Variants in CDC42EP5 observed in about 807,000 individuals in gnomAD.
The protein encoded by CDC42EP5 is CDC42 effector protein 5.
For synonymous variants in CDC42EP5, 118 were observed against 123.3 expected, an observed-to-expected ratio of 0.96 and a Z score of 0.28; for missense variants, 269 against 238.0, an observed-to-expected ratio of 1.13 and a Z score of -0.86.
intron 2 of CDC42EP5, among the ~76,000 whole-genome samples, chr19:54,467,299 C>CA (rs997827014): frequency 6.0e-4 from 85 of 140,674 alleles, no homozygotes; most frequent in African/African-American, 2.1e-3. Flanking sequence ...AAAAAAAATA[C>CA]AAAATTAGCT....
chr19:54,468,922 T>TCCTTCCTTCCTTCCTTCCTTCCTTCCTTC (rs1491162621), intron 2 of CDC42EP5, among the ~76,000 whole-genome samples: 16 of 148,490 alleles, frequency 1.1e-4, no homozygotes, highest in African/African-American at 4.0e-4. Context: ...CTTCCTTCCT[T>TCCTTCCTTCCTTCCTTCCTTCCTTCCTTC]CTTTCTTTCT....
chr19:54,471,276 TGGC>T (rs2084832511), intron 2 of CDC42EP5, among the ~76,000 whole-genome samples: 4 of 151,932 alleles, frequency 2.6e-5, no homozygotes, highest in Admixed American at 2.6e-4. Context: ...AGCTGCAGGG[TGGC>T]GGGCACAGCT....
At chr19:54,471,356 G>C (rs1204248363) in intron 2 of CDC42EP5, 189 bp downstream of exon 2, 2 of 152,040 alleles carry the variant, frequency 1.3e-5, no homozygotes, top group African/African-American at 4.8e-5. Context: ...CTCTAGATCC[G>C]GCCCAACTGG....
chr19:54,465,486 A>C lies in CDC42EP5; in HGVS notation c.62T>G (p.Leu21Arg). ...GTCGCCGAGCGGCGCGGAGATGGACAGGGCGCCGCGATCAGGCCGCTTCTT... is the reference window on the plus strand; with the variant it reads ...GTCGCCGAGCGGCGCGGAGATGGACCGGGCGCCGCGATCAGGCCGCTTCTT... ...QPKKRPDRGA[L>R]SISAPLGDFR... The change falls in exon 3 of 3, where the codon CTG (leucine) becomes CGG (arginine). Residue 21 changes from leucine (L) to arginine (R), a missense_variant. By Grantham distance (102) the Leu-to-Arg change is moderately radical. Transcript: ENST00000301200. 1.3e-6 allele frequency: 2 copies of C among 1,533,696 alleles called. No individual in the cohort carries two copies. Among genetic ancestry groups the C allele is most frequent in the Non-Finnish European group, 1.7e-6 (2 of 1,152,862 alleles).
At chr19:54,467,573 T>TC (rs2084772903) in intron 2 of CDC42EP5, among the ~76,000 whole-genome samples, 1 of 151,014 alleles carries the variant, frequency 6.6e-6, no homozygotes, top group Admixed American at 6.6e-5. Flanking sequence ...AAATTCTTTT[T>TC]TTTTTTTTTT....
intron 2 of CDC42EP5, among the ~76,000 whole-genome samples, chr19:54,467,568 CTTT>C (rs550861744): frequency 1.5e-5 from 2 of 137,906 alleles, no homozygotes; most frequent in African/African-American, 2.7e-5. Flanking sequence ...GCACCAAATT[CTTT>C]TTTTTTTTTT....
At chr19:54,471,124 A>T (rs2084829547) in intron 2 of CDC42EP5, among the ~76,000 whole-genome samples, 1 of 152,174 alleles carries the variant, frequency 6.6e-6, no homozygotes, top group South Asian at 2.1e-4. Context: ...AGGGCTCGGG[A>T]CAGAGGGGCT....
In CDC42EP5 at chr19:54,471,564, G is replaced by A. The variant is rs1400923975; in HGVS notation, c.-20C>T. ...CCTTACCTCGCGGTCCTCCCAGAGC[G>A]GGGCGGGCGCGCGCTCACGACTCCA... On this transcript the variant is annotated 5_prime_UTR_variant, in exon 2 of 3. Transcript: ENST00000301200. The A allele has an allele frequency of 6.6e-6, 1 of 152,044 alleles. No individual in the cohort carries two copies. Among genetic ancestry groups the A allele is most frequent in the Non-Finnish European group, 1.5e-5 (1 of 68,016 alleles). The allele number at this position is 152,044 out of a possible 1,614,324, so 9.4% of individuals were successfully genotyped here. A position where few individuals can be genotyped will look rare whatever the true frequency, so the allele number is the denominator to read the frequency against.
chr19:54,471,403 G>A (rs576405261), intron 2 of CDC42EP5, 142 bp downstream of exon 2: 1 of 152,028 alleles, frequency 6.6e-6, no homozygotes, highest in Non-Finnish European at 1.5e-5. Context: ...CAGCCGGGTC[G>A]GGGGACCCCA....
intron 2 of CDC42EP5, among the ~76,000 whole-genome samples, chr19:54,469,864 T>A (rs1432082346): frequency 1.3e-5 from 2 of 152,174 alleles, no homozygotes; most frequent in East Asian, 1.9e-4. Context: ...CTGCCTCTGG[T>A]CAGACCCAGC....
chr19:54,466,738 T>C (rs2084759654), intron 2 of CDC42EP5, among the ~76,000 whole-genome samples: 1 of 152,180 alleles, frequency 6.6e-6, no homozygotes, highest in Non-Finnish European at 1.5e-5. Context: ...ATAACAATTA[T>C]TTGCAAAGCA....
intron 2 of CDC42EP5, among the ~76,000 whole-genome samples, chr19:54,465,878 A>G (rs1282108171): frequency 2.0e-5 from 3 of 151,360 alleles, no homozygotes; most frequent in Non-Finnish European, 1.5e-5. Context: ...CAGGTGATCA[A>G]CCCGCCTCAG....
intron 2 of CDC42EP5, among the ~76,000 whole-genome samples, chr19:54,470,335 G>A (rs571069289): frequency 6.6e-6 from 1 of 151,568 alleles, no homozygotes; most frequent in Admixed American, 6.6e-5. Flanking sequence ...TCGTCCCACC[G>A]CACTTCAGCC....
chr19:54,467,780 C>T (rs1400172012), intron 2 of CDC42EP5, among the ~76,000 whole-genome samples: 2 of 152,178 alleles, frequency 1.3e-5, no homozygotes, highest in East Asian at 3.8e-4. Flanking sequence ...GCCTTGGCCT[C>T]CCAAAGTGTT....
rs1327288838 is a variant in CDC42EP5, at chr19:54,465,407, C to T, written c.141G>A (p.Ser47=). Residue 47 remains serine (S), a synonymous_variant, in exon 3 of 3, where the codon TCG becomes TCA. Coordinates refer to ENST00000301200, the MANE Select transcript of CDC42EP5 (RefSeq NM_145057.4). ...GCCCGCCGCCGTGGCGGCTCAGGAA[C>T]GAGGTGTCCCCGAAGGCGTCGCCGC... ...GRGGDAFGDT[S]FLSRHGGGPP... 22 of 1,382,258 alleles carry T rather than the reference C, an allele frequency of 1.6e-5. No individual in the cohort carries two copies. The highest frequency in any genetic ancestry group is 1.9e-5 in the Non-Finnish European group (20 of 1,064,260). 85.6% of individuals were successfully genotyped at this position (1,382,258 alleles called of 1,614,324 possible).
At chr19:54,467,530 T>C (rs1028349006) in intron 2 of CDC42EP5, among the ~76,000 whole-genome samples, 3 of 151,084 alleles carry the variant, frequency 2.0e-5, no homozygotes, top group African/African-American at 7.3e-5. Flanking sequence ...ATCTGCATTG[T>C]AAACTAGGTG....
At position 54,465,391 on chromosome 19, in the gene CDC42EP5, C is replaced by G; in HGVS notation, c.157G>C (p.Gly53Arg). ...CGGGGCTCGGGGGGCGGCCCGCCGC[C>G]GTGGCGGCTCAGGAACGAGGTGTCC... ...FGDTSFLSRH[G>R]GGPPPEPRAP... Residue 53 changes from glycine (G) to arginine (R), a missense_variant, in exon 3 of 3, where the codon GGC becomes CGC. Physicochemically the swap from Gly to Arg is moderately radical, Grantham distance 125 (BLOSUM62 -2). Coordinates refer to ENST00000301200, the MANE Select transcript of CDC42EP5 (RefSeq NM_145057.4). 8.2e-7 allele frequency: 1 copy of G among 1,217,174 alleles called. No individual in the cohort carries two copies. Among genetic ancestry groups the G allele is most frequent in the South Asian group, 3.0e-5 (1 of 33,002 alleles). The allele number at this position is 1,217,174 out of a possible 1,614,324, so 75.4% of individuals were successfully genotyped here. A position where few individuals can be genotyped will look rare whatever the true frequency, so the allele number is the denominator to read the frequency against.
intron 2 of CDC42EP5, among the ~76,000 whole-genome samples, chr19:54,471,003 T>C (rs1322854077): frequency 6.6e-6 from 1 of 152,186 alleles, no homozygotes; most frequent in African/African-American, 2.4e-5. Flanking sequence ...GGTAAGTCGC[T>C]TCACTTCTGC....
In CDC42EP5 at chr19:54,472,494, G is replaced by A. The variant is rs535274302; in HGVS notation, c.-142+570C>T. Among the ~76,000 whole-genome samples, 119 of 77,204 alleles carry A rather than the reference G, an allele frequency of 1.5e-3. 4 individuals carry two copies. The highest frequency in any genetic ancestry group is 2.3e-3 in the Non-Finnish European group (91 of 40,398). The allele number at this position is 77,204 out of a possible 152,430, so 50.6% of individuals were successfully genotyped here. ...CCAGCCCCTCCTCCCTCAGACCCAG[G>A]AGTCCAGACCTCCAGCCCTTCCTCC... On this transcript the variant is annotated intron_variant, in intron 1 of 2. Transcript: ENST00000301200.
Sources: allele counts gnomAD v4.1 joint callset (sites outside exome capture counted in the v4.1 genomes callset), GRCh38; gene constraint gnomAD v4.1.1; transcripts MANE v1.5; gene names NCBI Gene and HGNC (gene_info 2026-07-23, HGNC 2026-07-21).